The following CEP112 variants were observed in gnomAD, a reference collection of about 807,000 sequenced individuals.
CEP112 encodes the protein centrosomal protein of 112 kDa.
CEP112 carries 127 observed loss-of-function variants against 153.0 expected under a neutral mutation model. The ratio of observed to expected loss-of-function variants is 0.83; its 90% CI spans 0.72 to 0.96. The LOEUF (loss-of-function observed/expected upper bound fraction) is 0.96, where lower values mean the gene tolerates loss of function less well. CEP112 is among the 40% of genes least tolerant of loss of function. The probability of loss-of-function intolerance (pLI) is 0.00; values close to 1 mark genes in which losing one functional copy is unlikely to be tolerated. For missense variants in CEP112, 1,089 were observed against 1,101.2 expected (o/e 0.99, Z 0.16); for synonymous variants, 358 against 374.4 (o/e 0.96, Z 0.51).
chr17:66,098,660 T>C (rs2068442950), intron 6 of CEP112, among the ~76,000 whole-genome samples: 1 of 152,310 alleles, frequency 6.6e-6, no homozygotes, highest in African/African-American at 2.4e-5. Context: ...CACAAAACAA[T>C]TTTCTTTCGT....
rs1376907889 is a variant in CEP112, at chr17:66,132,901, G to A, written c.471-138C>T. 7.7e-6 allele frequency: 5 copies of A among 650,440 alleles called. No individual in the cohort carries two copies. In the Admixed American group the frequency reaches 1.0e-4, roughly 13 times the overall value. The allele number at this position is 650,440 out of a possible 1,614,324, so 40.3% of individuals were successfully genotyped here. Reference sequence around the variant, plus strand: ...ACAATGATGTTCCATAGCCGGGCGTGGTGGCGAGTGCCTGTAATCCCAGCT... The same window carrying A: ...ACAATGATGTTCCATAGCCGGGCGTAGTGGCGAGTGCCTGTAATCCCAGCT... On this transcript the variant is annotated intron_variant, in intron 4 of 26. Coordinates refer to ENST00000535342, the MANE Select transcript of CEP112 (RefSeq NM_001199165.4).
chr17:65,953,696 T>C (rs1187471266), intron 18 of CEP112, among the ~76,000 whole-genome samples: 1 of 151,938 alleles, frequency 6.6e-6, no homozygotes, highest in Non-Finnish European at 1.5e-5. Flanking sequence ...TTCCCCTACT[T>C]CCCTGGTGAC....
intron 24 of CEP112, among the ~76,000 whole-genome samples, chr17:65,672,328 C>T (rs1289747750): frequency 1.9e-4 from 29 of 152,046 alleles, no homozygotes; most frequent in Non-Finnish European, 7.4e-5. Context: ...TGTCAATTGT[C>T]CTGAGACTAA....
chr17:66,129,673 A>G (rs2070035733), intron 6 of CEP112, 73 bp downstream of exon 6: 1 of 1,048,402 alleles, frequency 9.5e-7, no homozygotes, highest in Non-Finnish European at 1.4e-6. Context: ...AAATCAAATT[A>G]GTTCAGATAT....
intron 21 of CEP112, among the ~76,000 whole-genome samples, chr17:65,825,267 T>C (rs1003546369): frequency 6.6e-6 from 1 of 152,228 alleles, no homozygotes; most frequent in Non-Finnish European, 1.5e-5. Flanking sequence ...TCATATCAGG[T>C]ACCCTAGAGC....
chr17:65,746,919 T>C (rs1436479001), intron 22 of CEP112, among the ~76,000 whole-genome samples: 2 of 152,194 alleles, frequency 1.3e-5, no homozygotes, highest in African/African-American at 4.8e-5. Context: ...AGAATTTTCA[T>C]ATGGATATTA....
chr17:65,941,240 A>C (rs2061497298), intron 18 of CEP112, among the ~76,000 whole-genome samples: 1 of 152,028 alleles, frequency 6.6e-6, no homozygotes, highest in African/African-American at 2.4e-5. Context: ...AAAAATAAAT[A>C]ATAAACATTA....
intron 4 of CEP112, among the ~76,000 whole-genome samples, chr17:66,140,010 T>C (rs1349085411): frequency 6.6e-6 from 1 of 152,140 alleles, no homozygotes; most frequent in African/African-American, 2.4e-5. Context: ...CTGAATAACA[T>C]AGATGCAAAA....
intron 10 of CEP112, among the ~76,000 whole-genome samples, chr17:66,065,675 G>C (rs1460353169): frequency 6.7e-6 from 1 of 149,838 alleles, no homozygotes. Flanking sequence ...TGTTGCCCAG[G>C]CTGGAGTGCA....
rs2072854465 is a variant in CEP112, at chr17:66,184,643, G to A, written c.-8-1336C>T. On this transcript the variant is annotated intron_variant, in intron 1 of 26. Coordinates refer to ENST00000535342, the MANE Select transcript of CEP112 (RefSeq NM_001199165.4). The stretch of plus-strand genomic sequence containing the variant: ...ACAACAGAAACTCTCATGCATTGCT[G>A]GTAGAAATACAAAATAGTACAGGCA... Among the ~76,000 whole-genome samples the A allele has an allele frequency of 2.6e-5, 4 of 152,118 alleles. No homozygotes were observed. The South Asian group carries it at 8.3e-4, about 31-fold the overall frequency.
At position 66,108,486 on chromosome 17, in the gene CEP112, T is replaced by C. The variant is rs564052613; in HGVS notation, c.643-11854A>G. ...TAGACATGTCTTAAAAGAAGACATA[T>C]AAATGTCAAACAGACATATGACAAG... On this transcript the variant is annotated intron_variant, in intron 6 of 26. Coordinates refer to ENST00000535342, the MANE Select transcript of CEP112 (RefSeq NM_001199165.4). Among the ~76,000 whole-genome samples, 15 of 152,270 alleles carry C rather than the reference T, an allele frequency of 9.9e-5. No homozygotes were observed. The South Asian group carries it at 3.1e-3, about 32-fold the overall frequency.
chr17:65,791,044 G>A (rs531238816), intron 21 of CEP112, among the ~76,000 whole-genome samples: 1 of 150,878 alleles, frequency 6.6e-6, no homozygotes, highest in Admixed American at 6.6e-5. Context: ...TGGAATGGGG[G>A]GGAGGCTTAA....
At chr17:65,720,692 G>T (rs1237534756) in intron 23 of CEP112, among the ~76,000 whole-genome samples, 1 of 152,118 alleles carries the variant, frequency 6.6e-6, no homozygotes, top group South Asian at 2.1e-4. Context: ...TTTAATATGG[G>T]TTACACTTGA....
chr17:65,916,309 G>A (rs2060489380), intron 19 of CEP112, among the ~76,000 whole-genome samples: 1 of 149,724 alleles, frequency 6.7e-6, no homozygotes, highest in Non-Finnish European at 1.5e-5. Flanking sequence ...GGTAGGAGTA[G>A]TGGTGGTGGG....
At chr17:66,140,730 C>T (rs2070656228) in intron 4 of CEP112, among the ~76,000 whole-genome samples, 1 of 152,150 alleles carries the variant, frequency 6.6e-6, no homozygotes, top group Non-Finnish European at 1.5e-5. Context: ...GCAACCTCCA[C>T]CTCCTGGGTT....
At chr17:65,772,575 TACACAC>T (rs34758953) in intron 21 of CEP112, among the ~76,000 whole-genome samples, 5,275 of 133,438 alleles carry the variant, frequency 0.04, 112 homozygotes, top group South Asian at 0.093. Context: ...CTCTATTTAT[TACACAC>T]ACACACACAC....
chr17:65,737,567 T>C (rs1310871118), intron 23 of CEP112, among the ~76,000 whole-genome samples: 1 of 152,166 alleles, frequency 6.6e-6, no homozygotes, highest in African/African-American at 2.4e-5. Flanking sequence ...GAATAGAAGA[T>C]GCCGCTTCCA....
chr17:65,932,374 C>A (rs56329569), intron 18 of CEP112, among the ~76,000 whole-genome samples: 1 of 152,000 alleles, frequency 6.6e-6, no homozygotes, highest in Admixed American at 6.6e-5. Context: ...AGGAAATATA[C>A]GCCACAAAAA....
intron 24 of CEP112, among the ~76,000 whole-genome samples, chr17:65,684,085 A>G (rs232114): frequency 0.47 from 71,949 of 151,916 alleles, 17,318 homozygotes; most frequent in Middle Eastern, 0.56. Flanking sequence ...TCCATTCCAC[A>G]CCTGGGGTCT....
Sources: gnomAD v4.1 joint callset for allele counts (sites outside exome capture counted in the v4.1 genomes callset) on GRCh38, gnomAD v4.1.1 for gene constraint, MANE v1.5 for transcripts, NCBI Gene and HGNC (gene_info 2026-07-23, HGNC 2026-07-21) for gene names.